Variants in NOL4 observed in about 807,000 individuals in gnomAD.
The protein encoded by NOL4 is cancer/testis antigen 125.
In NOL4, 17 loss-of-function variants were observed where a neutral mutation model predicts 75.9. That is an observed-to-expected ratio of 0.22 (90% CI 0.15 to 0.34). The LOEUF (loss-of-function observed/expected upper bound fraction) is 0.34, where lower values mean the gene tolerates loss of function less well. Ranked by LOEUF, NOL4 falls within the 10% of genes least tolerant of loss-of-function variation. The probability of loss-of-function intolerance (pLI) is 1.00; values close to 1 mark genes in which losing one functional copy is unlikely to be tolerated. For synonymous variants in NOL4, 292 were observed against 289.9 expected (o/e 1.01, Z -0.07); for missense variants, 614 against 793.5 (o/e 0.77, Z 2.72).
intron 10 of NOL4, among the ~76,000 whole-genome samples, chr18:33,858,137 G>A (rs1381850344): frequency 6.6e-6 from 1 of 151,994 alleles, no homozygotes; most frequent in Non-Finnish European, 1.5e-5. Context: ...ATTTCCTCAA[G>A]CTTTCAAGCA....
At chr18:34,152,048 A>G (rs1408092422) in intron 1 of NOL4, among the ~76,000 whole-genome samples, 1 of 151,922 alleles carries the variant, frequency 6.6e-6, no homozygotes, top group East Asian at 1.9e-4. Flanking sequence ...AAATCTTTGT[A>G]TCCCTTTTTA....
chr18:34,095,575 C>A (rs771114747), intron 4 of NOL4, among the ~76,000 whole-genome samples: 3 of 151,996 alleles, frequency 2.0e-5, no homozygotes, highest in Admixed American at 6.6e-5. Context: ...TTTATCTATA[C>A]AATGGAAATA....
chr18:34,027,222 G>A (rs2075388500), intron 5 of NOL4, among the ~76,000 whole-genome samples: 1 of 152,166 alleles, frequency 6.6e-6, no homozygotes, highest in South Asian at 2.1e-4. Flanking sequence ...ATGAGAGAAA[G>A]GTGATGATGA....
intron 10 of NOL4, among the ~76,000 whole-genome samples, chr18:33,873,902 AACAGAAACGGTATCT>A: frequency 6.6e-6 from 1 of 152,108 alleles, no homozygotes; most frequent in East Asian, 1.9e-4. Flanking sequence ...TAGTGAGGTA[AACAGAAACGGTATCT>A]TAGGGAACAT....
intron 9 of NOL4, among the ~76,000 whole-genome samples, chr18:33,898,054 G>T (rs2065519622): frequency 6.6e-6 from 1 of 151,860 alleles, no homozygotes; most frequent in Non-Finnish European, 1.5e-5. Context: ...ATCACAGGTG[G>T]GCATCACCAT....
At chr18:34,061,038 G>C (rs1221366058) in intron 5 of NOL4, among the ~76,000 whole-genome samples, 1 of 152,110 alleles carries the variant, frequency 6.6e-6, no homozygotes, top group Non-Finnish European at 1.5e-5. Flanking sequence ...ATTACTTAGA[G>C]AAATGTCTGA....
At chr18:33,905,064 TA>T (rs1336817373) in intron 9 of NOL4, among the ~76,000 whole-genome samples, 1 of 152,216 alleles carries the variant, frequency 6.6e-6, no homozygotes, top group Non-Finnish European at 1.5e-5. Flanking sequence ...CTCCCTCAAG[TA>T]TGCTCAAATT....
At chr18:34,033,660 T>G (rs1216590358) in intron 5 of NOL4, among the ~76,000 whole-genome samples, 1 of 152,050 alleles carries the variant, frequency 6.6e-6, no homozygotes, top group Non-Finnish European at 1.5e-5. Context: ...CTCCCCAATT[T>G]AGGAAGAAAT....
chr18:34,077,428 T>C (rs1298835729), intron 5 of NOL4, among the ~76,000 whole-genome samples: 1 of 152,090 alleles, frequency 6.6e-6, no homozygotes, highest in Non-Finnish European at 1.5e-5. Context: ...TATATAGATA[T>C]ATACACATAT....
Position 34,054,008 on chromosome 18 carries a change from T to C in NOL4, c.773-34407A>G, listed in dbSNP as rs960772347. Among the ~76,000 whole-genome samples, 11 of 152,086 alleles carry C rather than the reference T, an allele frequency of 7.2e-5. No homozygotes were observed. In the East Asian group the frequency reaches 1.9e-3, roughly 27 times the overall value. On this transcript the variant is annotated intron_variant, in intron 5 of 10. Coordinates refer to ENST00000261592, the MANE Select transcript of NOL4 (RefSeq NM_003787.5). ...GTAAGATGAAAGTGAATGTTAAAGATGAATACTGGAAATTCACATACTTGT... is the reference window on the plus strand; with the variant it reads ...GTAAGATGAAAGTGAATGTTAAAGACGAATACTGGAAATTCACATACTTGT...
intron 4 of NOL4, among the ~76,000 whole-genome samples, chr18:34,101,798 T>C (rs1235744174): frequency 6.6e-6 from 1 of 151,980 alleles, no homozygotes; most frequent in Non-Finnish European, 1.5e-5. Context: ...TCAGCCCCCA[T>C]CATTATGTTA....
intron 2 of NOL4, among the ~76,000 whole-genome samples, chr18:34,105,649 A>C (rs1161446846): frequency 2.0e-5 from 3 of 152,080 alleles, no homozygotes; most frequent in Admixed American, 6.6e-5. Flanking sequence ...AGAATAAAAA[A>C]TAAATTCAAA....
At chr18:34,192,649 G>T (rs1163105219) in intron 1 of NOL4, among the ~76,000 whole-genome samples, 1 of 152,198 alleles carries the variant, frequency 6.6e-6, no homozygotes, top group Non-Finnish European at 1.5e-5. Context: ...GGGACAACTT[G>T]ATATCCTCAT....
At position 33,947,745 on chromosome 18, in the gene NOL4, C is replaced by A. The variant is rs1450180541; in HGVS notation, c.1429-4567G>T. The stretch of plus-strand genomic sequence containing the variant: ...TATCTCTTCATAATTAACTGACATT[C>A]TAACTGGGATCTGAGTTGATCTTTC... On this transcript the variant is annotated intron_variant, in intron 8 of 10. Coordinates refer to ENST00000261592, the MANE Select transcript of NOL4 (RefSeq NM_003787.5). 3.3e-5 allele frequency among the ~76,000 whole-genome samples: 5 copies of A among 151,834 alleles called. No homozygotes were observed. In the East Asian group the frequency reaches 9.7e-4, roughly 29 times the overall value.
chr18:34,136,750 T>A (rs987390292), intron 1 of NOL4, among the ~76,000 whole-genome samples: 1 of 152,114 alleles, frequency 6.6e-6, no homozygotes, highest in Non-Finnish European at 1.5e-5. Context: ...AAACCTTATT[T>A]TGCAGGATCA....
At chr18:34,090,099 C>T (rs116325520) in intron 5 of NOL4, among the ~76,000 whole-genome samples, 1,884 of 151,706 alleles carry the variant, frequency 0.012, 37 homozygotes, top group African/African-American at 0.043. Context: ...TATTTGTAAA[C>T]AGGAAAAAAA....
intron 8 of NOL4, among the ~76,000 whole-genome samples, chr18:33,944,756 A>G (rs929628126): frequency 4.6e-5 from 7 of 151,954 alleles, no homozygotes; most frequent in Admixed American, 4.6e-4. Flanking sequence ...AGAGGGTCAA[A>G]TGAGGCAAAT....
At chr18:33,944,406 T>C (rs1407353141) in intron 8 of NOL4, among the ~76,000 whole-genome samples, 1 of 151,832 alleles carries the variant, frequency 6.6e-6, no homozygotes, top group Non-Finnish European at 1.5e-5. Flanking sequence ...AGACACTCCA[T>C]AGTTAAATTT....
At chr18:34,022,491 A>G (rs532454906) in intron 5 of NOL4, among the ~76,000 whole-genome samples, 21 of 152,242 alleles carry the variant, frequency 1.4e-4, no homozygotes, top group African/African-American at 4.8e-4. Context: ...GATGACTTAT[A>G]TAAGTAATTT....
Sources: gnomAD v4.1 joint callset for allele counts (sites outside exome capture counted in the v4.1 genomes callset) on GRCh38, gnomAD v4.1.1 for gene constraint, MANE v1.5 for transcripts, NCBI Gene and HGNC (gene_info 2026-07-23, HGNC 2026-07-21) for gene names.